KANK1: variants seen among roughly 807,000 people sequenced by gnomAD.
KANK1 encodes the protein KN motif and ankyrin repeat domain-containing protein 1.
KANK1 carries 109 observed loss-of-function variants against 106.2 expected under a neutral mutation model. That is an observed-to-expected ratio of 1.03 (90% CI 0.88 to 1.20). The LOEUF (loss-of-function observed/expected upper bound fraction) is 1.20, where lower values mean the gene tolerates loss of function less well. Ranked by LOEUF, KANK1 falls within the 50% of genes most tolerant of loss-of-function variation. The pLI, the probability that KANK1 is intolerant of heterozygous loss-of-function variation, is 0.00. For missense variants in KANK1, 2,399 were observed against 1,710.7 expected, an observed-to-expected ratio of 1.40 and a Z score of -7.10; for synonymous variants, 873 against 652.2, an observed-to-expected ratio of 1.34 and a Z score of -5.16.
chr9:661,764 C>G (rs996285673), intron 1 of KANK1, among the ~76,000 whole-genome samples: 39 of 152,130 alleles, frequency 2.6e-4, no homozygotes, highest in African/African-American at 9.2e-4. Flanking sequence ...GTTCCTGTTT[C>G]TCCACATCCT....
At chr9:610,028 T>C (rs117546508) in intron 1 of KANK1, among the ~76,000 whole-genome samples, 2,472 of 152,300 alleles carry the variant, frequency 0.016, 22 homozygotes, top group Non-Finnish European at 0.026. Flanking sequence ...TAATGATAAA[T>C]ACTGTTACAT....
chr9:627,278 C>G (rs1251536858), intron 1 of KANK1, among the ~76,000 whole-genome samples: 1 of 152,134 alleles, frequency 6.6e-6, no homozygotes, highest in Non-Finnish European at 1.5e-5. Context: ...CTCCTTCTCC[C>G]TAAACCACAA....
At chr9:577,203 C>A (rs1820798793) in intron 1 of KANK1, among the ~76,000 whole-genome samples, 1 of 152,216 alleles carries the variant, frequency 6.6e-6, no homozygotes, top group Admixed American at 6.5e-5. Context: ...GCTCTGGTGG[C>A]CAGATTTTAT....
intron 1 of KANK1, among the ~76,000 whole-genome samples, chr9:555,567 C>T (rs879596895): frequency 3.3e-5 from 5 of 152,126 alleles, no homozygotes; most frequent in African/African-American, 7.2e-5. Context: ...TTTCAGCATC[C>T]AACCTTTGCT....
chr9:479,785 G>A (rs2058170780), intron 3 of KANK1, among the ~76,000 whole-genome samples: 1 of 152,168 alleles, frequency 6.6e-6, no homozygotes, highest in Non-Finnish European at 1.5e-5. Flanking sequence ...GCATCTTCCT[G>A]ACCCTTGGCT....
At chr9:502,479 G>A (rs1475923422), upstream of KANK1, among the ~76,000 whole-genome samples, 1 of 151,868 alleles carries the variant, frequency 6.6e-6, no homozygotes. Context: ...ATGCAAAGAG[G>A]GAGAAATAAA....
chr9:652,883 G>T (rs1006481451), intron 1 of KANK1, among the ~76,000 whole-genome samples: 2 of 152,152 alleles, frequency 1.3e-5, no homozygotes, highest in Non-Finnish European at 2.9e-5. Context: ...ATTTGGAAGG[G>T]ATGGGGAAAA....
At chr9:589,842 G>T (rs1249268571) in intron 1 of KANK1, among the ~76,000 whole-genome samples, 1 of 152,150 alleles carries the variant, frequency 6.6e-6, no homozygotes, top group African/African-American at 2.4e-5. Context: ...AATGGGCCAA[G>T]GAATTAGAAA....
chr9:676,194 A>C (rs1187051965), intron 1 of KANK1, among the ~76,000 whole-genome samples: 1 of 152,174 alleles, frequency 6.6e-6, no homozygotes, highest in Non-Finnish European at 1.5e-5. Context: ...AAGAATGCCT[A>C]ACCTCCTGGG....
intron 3 of KANK1, among the ~76,000 whole-genome samples, chr9:477,083 A>G (rs1156597832): frequency 6.6e-6 from 1 of 152,200 alleles, no homozygotes; most frequent in Admixed American, 6.5e-5. Flanking sequence ...CGTTACTTTC[A>G]TTACCCCAGT....
At position 732,484 on chromosome 9, in the gene KANK1, G is replaced by T. The variant is rs995175818; in HGVS notation, c.3112G>T (p.Glu1038Ter). The change falls in exon 6 of 12, where the codon GAG becomes TAG. Residue 1038 changes from glutamate (E) to a stop codon, truncating the protein, a stop_gained. Transcript: ENST00000382297. LOFTEE classifies it high-confidence loss of function. ...IEYPLEEEEE[E>*]EDEDTRGMAE... Reference sequence around the variant, plus strand: ...GTATCCTCTTGAAGAAGAGGAGGAGGAGGAGGATGAAGACACTCGGGGAAT... The same window carrying T: ...GTATCCTCTTGAAGAAGAGGAGGAGTAGGAGGATGAAGACACTCGGGGAAT... The T allele has an allele frequency of 6.2e-7, 1 of 1,614,120 alleles. No homozygotes were observed. The highest frequency in any genetic ancestry group is 1.1e-5 in the South Asian group (1 of 91,072).
intron 3 of KANK1, among the ~76,000 whole-genome samples, chr9:494,517 A>C (rs541538802): frequency 3.8e-4 from 58 of 152,304 alleles, no homozygotes; most frequent in Admixed American, 2.0e-3. Flanking sequence ...GCAATGGTAT[A>C]TCACTTCTGA....
intron 3 of KANK1, among the ~76,000 whole-genome samples, chr9:490,195 A>G (rs1372339199): frequency 6.6e-6 from 1 of 152,194 alleles, no homozygotes; most frequent in Non-Finnish European, 1.5e-5. Context: ...TTTTAAATAC[A>G]TCTCCACTGG....
chr9:569,471 G>A (rs540476200), intron 1 of KANK1, among the ~76,000 whole-genome samples: 2 of 152,218 alleles, frequency 1.3e-5, no homozygotes, highest in South Asian at 2.1e-4. Context: ...ACACTCGGCC[G>A]CCTCACCATG....
At chr9:627,337 C>T (rs1032261504) in intron 1 of KANK1, among the ~76,000 whole-genome samples, 1 of 152,084 alleles carries the variant, frequency 6.6e-6, no homozygotes, top group African/African-American at 2.4e-5. Flanking sequence ...TAGAAGTCCT[C>T]ATCTTCTGCC....
chr9:477,112 A>T (rs530428786), intron 3 of KANK1, among the ~76,000 whole-genome samples: 5 of 152,348 alleles, frequency 3.3e-5, no homozygotes, highest in African/African-American at 9.6e-5. Context: ...TGAGCAGGGC[A>T]TGACAGGGAG....
chr9:631,234 A>G (rs954627602), intron 1 of KANK1, among the ~76,000 whole-genome samples: 55 of 152,282 alleles, frequency 3.6e-4, no homozygotes, highest in African/African-American at 1.3e-3. Flanking sequence ...AGTACAGCCT[A>G]TGCCCAGCAA....
intron 1 of KANK1, among the ~76,000 whole-genome samples, chr9:575,081 C>A (rs1820193115): frequency 6.6e-6 from 1 of 152,162 alleles, no homozygotes; most frequent in Non-Finnish European, 1.5e-5. Flanking sequence ...CTTCTCCCAT[C>A]TTGCTTGGCA....
intron 3 of KANK1, among the ~76,000 whole-genome samples, chr9:493,133 G>A (rs1240923457): frequency 2.0e-5 from 3 of 152,034 alleles, no homozygotes; most frequent in African/African-American, 2.4e-5. Context: ...TATTGTACCA[G>A]GGTTGGTTTG....
Sources: gnomAD v4.1 joint callset for allele counts (sites outside exome capture counted in the v4.1 genomes callset) on GRCh38, gnomAD v4.1.1 for gene constraint, MANE v1.5 for transcripts, NCBI Gene and HGNC (gene_info 2026-07-23, HGNC 2026-07-21) for gene names.